The following FGD5 variants were observed in gnomAD, a reference collection of about 807,000 sequenced individuals.
The protein encoded by FGD5 is FYVE, RhoGEF and PH domain-containing protein 5.
Under a neutral mutation model 133.4 loss-of-function variants are expected in FGD5, and 28 were observed. The ratio of observed to expected loss-of-function variants is 0.21; its 90% CI spans 0.16 to 0.29. FGD5 has a LOEUF of 0.29. Among genes scored for constraint, FGD5 ranks in the 10% least tolerant of loss-of-function variants. The pLI, the probability that FGD5 is intolerant of heterozygous loss-of-function variation, is 1.00. For synonymous variants in FGD5, 810 were observed against 776.5 expected (o/e 1.04, Z -0.72); for missense variants, 1,858 against 1,895.2 (o/e 0.98, Z 0.36).
In FGD5 at chr3:14,825,342, C is replaced by T. The variant is rs372107212; in HGVS notation, c.2525+3746C>T. On this transcript the variant is annotated intron_variant, in intron 1 of 19. Transcript: ENST00000285046. ...TACCTGGGCTGAGTGCAGTGGCTTA[C>T]GCTTGTAATCCCAGTGCTTTGGGAG... 7.9e-5 allele frequency among the ~76,000 whole-genome samples: 12 copies of T among 152,166 alleles called. No individual in the cohort carries two copies. The East Asian group carries it at 2.1e-3, about 27-fold the overall frequency.
chr3:14,877,270 G>A (rs929317255), intron 2 of FGD5, among the ~76,000 whole-genome samples: 3 of 152,230 alleles, frequency 2.0e-5, no homozygotes, highest in Admixed American at 6.5e-5. Context: ...CCCGTTGGCC[G>A]CCTGGCGAAG....
chr3:14,861,559 T>C (rs553739789), intron 1 of FGD5, among the ~76,000 whole-genome samples: 2 of 152,262 alleles, frequency 1.3e-5, no homozygotes, highest in East Asian at 1.9e-4. Context: ...TCAGAGGCAG[T>C]GTATGTCAGC....
At chr3:14,889,616 C>T (rs2037988130) in intron 4 of FGD5, among the ~76,000 whole-genome samples, 1 of 152,052 alleles carries the variant, frequency 6.6e-6, no homozygotes, top group African/African-American at 2.4e-5. Context: ...CTAGATACTG[C>T]CAGATAGGTT....
At chr3:14,818,732 G>T (rs1440659352), upstream of FGD5, among the ~76,000 whole-genome samples, 1 of 152,184 alleles carries the variant, frequency 6.6e-6, no homozygotes, top group Non-Finnish European at 1.5e-5. Context: ...GCGTGTAGAA[G>T]AAAGGTCTGT....
intron 7 of FGD5, among the ~76,000 whole-genome samples, chr3:14,899,708 A>G (rs1045375894): frequency 2.6e-5 from 4 of 152,244 alleles, no homozygotes; most frequent in African/African-American, 9.6e-5. Flanking sequence ...CTTACACCCT[A>G]GACAAGCAAA....
chr3:14,901,269 G>C (rs1046066332), intron 9 of FGD5, among the ~76,000 whole-genome samples: 2 of 152,216 alleles, frequency 1.3e-5, no homozygotes, highest in Non-Finnish European at 2.9e-5. Context: ...CCAGTTCACT[G>C]TTCAAACAAT....
At chr3:14,866,156 A>AC (rs1193969240) in intron 2 of FGD5, among the ~76,000 whole-genome samples, 7 of 151,148 alleles carry the variant, frequency 4.6e-5, no homozygotes, top group Middle Eastern at 3.4e-3. Flanking sequence ...CTCCTCTGGG[A>AC]CCCCCCACAT....
At chr3:14,829,325 G>A (rs1220831898) in intron 1 of FGD5, among the ~76,000 whole-genome samples, 7 of 152,142 alleles carry the variant, frequency 4.6e-5, no homozygotes, top group African/African-American at 1.7e-4. Flanking sequence ...TTTCAGCAGG[G>A]GAACGCCGTC....
At position 14,819,060 on chromosome 3, in the gene FGD5, A is replaced by G. The variant is rs1353848222; in HGVS notation, c.-12A>G. ...CTCAGCCAGGCCCGAGAGTCTTCAC[A>G]GTCCAAACTCCATGTTCAGGGGTCC... On this transcript the variant is annotated 5_prime_UTR_variant, in exon 1 of 20. Coordinates refer to ENST00000285046, the MANE Select transcript of FGD5 (RefSeq NM_152536.4). The surrounding 1 kb of genome is among the most constrained non-coding windows in gnomAD (Gnocchi z 4.1). 10 of 1,538,230 alleles carry G rather than the reference A, an allele frequency of 6.5e-6. No individual in the cohort carries two copies. The highest frequency in any genetic ancestry group is 2.5e-5 in the East Asian group (1 of 40,746).
chr3:14,903,382 T>C (rs992646435), intron 9 of FGD5, among the ~76,000 whole-genome samples: 5 of 152,102 alleles, frequency 3.3e-5, no homozygotes, highest in African/African-American at 9.7e-5. Context: ...ATTATACTTT[T>C]AGGGTACATG....
At chr3:14,856,677 G>A (rs908989199) in intron 1 of FGD5, among the ~76,000 whole-genome samples, 5 of 151,378 alleles carry the variant, frequency 3.3e-5, no homozygotes, top group Non-Finnish European at 5.9e-5. Context: ...TTGAAAAATC[G>A]TTCTCAGCTA....
intron 2 of FGD5, among the ~76,000 whole-genome samples, chr3:14,870,736 T>G (rs757814299): frequency 2.6e-5 from 4 of 152,124 alleles, no homozygotes; most frequent in Non-Finnish European, 4.4e-5. Flanking sequence ...GACTTGAGCT[T>G]CTTGGTGCCC....
At chr3:14,873,148 G>T (rs1329016795) in intron 2 of FGD5, among the ~76,000 whole-genome samples, 1 of 152,190 alleles carries the variant, frequency 6.6e-6, no homozygotes, top group African/African-American at 2.4e-5. Flanking sequence ...GAGGGAAGGA[G>T]TGTAATGATG....
chr3:14,929,130 C>A (rs1033850191), intron 18 of FGD5, among the ~76,000 whole-genome samples: 5 of 152,198 alleles, frequency 3.3e-5, no homozygotes, highest in African/African-American at 1.2e-4. Flanking sequence ...CTTCCATTAA[C>A]CATGATGTTT....
chr3:14,911,239 G>C (rs946906564), intron 11 of FGD5, among the ~76,000 whole-genome samples: 7 of 152,198 alleles, frequency 4.6e-5, no homozygotes, highest in African/African-American at 1.4e-4. Flanking sequence ...AGTCGCTGTA[G>C]CTAGGCCTCC....
chr3:14,884,825 A>G (rs142352458), intron 4 of FGD5, among the ~76,000 whole-genome samples: 231 of 152,290 alleles, frequency 1.5e-3, no homozygotes, highest in Non-Finnish European at 2.5e-3. Context: ...ACTGGAGGCT[A>G]TATGATCAAA....
In FGD5 at chr3:14,933,840, AG is replaced by A. The variant is rs2038938870; in HGVS notation, c.*675del. ...CTGCGCCCCACCAGATAGGAAGGGG[AG>A]GATTTTCTCCTCCAGTCGACCTTGT... On this transcript the variant is annotated 3_prime_UTR_variant, in exon 20 of 20. Transcript: ENST00000285046. The A allele has an allele frequency of 6.5e-6, 1 of 152,934 alleles. No individual in the cohort carries two copies. Among genetic ancestry groups the A allele is most frequent in the Non-Finnish European group, 1.5e-5 (1 of 68,434 alleles). 9.5% of individuals were successfully genotyped at this position (152,934 alleles called of 1,614,324 possible). A position where few individuals can be genotyped will look rare whatever the true frequency, so the allele number is the denominator to read the frequency against.
In FGD5 at chr3:14,922,370, T is replaced by A. The variant is rs1257680516; in HGVS notation, c.3670-41T>A. The A allele has an allele frequency of 2.6e-6, 4 of 1,553,984 alleles. No individual in the cohort carries two copies. The highest frequency in any genetic ancestry group is 3.5e-6 in the Non-Finnish European group (4 of 1,148,294). On this transcript the variant is annotated intron_variant, in intron 14 of 19. Transcript: ENST00000285046. The surrounding 1 kb of genome is among the most constrained non-coding windows in gnomAD (Gnocchi z 4.1). Reference sequence around the variant, plus strand: ...TGGGCTCTGCATCTGGCTGGTCTCCTGGCCACATTCCACATTACTCAGCCA... The same window carrying A: ...TGGGCTCTGCATCTGGCTGGTCTCCAGGCCACATTCCACATTACTCAGCCA...
chr3:14,917,022 C>A lies in FGD5; in HGVS notation c.3406-227C>A, dbSNP rs1254539034. Among the ~76,000 whole-genome samples, 1 of 152,252 alleles carries A rather than the reference C, an allele frequency of 6.6e-6. No homozygotes were observed. The highest frequency in any genetic ancestry group is 1.5e-5 in the Non-Finnish European group (1 of 68,052). ...AATAAAGCCACTATGAACATACTCA[C>A]ACGACTTCTTGAGGGCATATGCATT... On this transcript the variant is annotated intron_variant, in intron 11 of 19. Coordinates refer to ENST00000285046, the MANE Select transcript of FGD5 (RefSeq NM_152536.4). The surrounding 1 kb of genome is among the most constrained non-coding windows in gnomAD (Gnocchi z 4.1).
Sources: allele counts gnomAD v4.1 joint callset (sites outside exome capture counted in the v4.1 genomes callset), GRCh38; gene constraint gnomAD v4.1.1; non-coding constraint Gnocchi (gnomAD v3.1); transcripts MANE v1.5; gene names NCBI Gene and HGNC (gene_info 2026-07-23, HGNC 2026-07-21).